TBXAS1: variants seen among roughly 807,000 people sequenced by gnomAD.
TBXAS1 encodes the protein thromboxane A synthase 1, also known as thromboxane-A synthase.
TBXAS1 carries 48 observed loss-of-function variants against 60.7 expected under a neutral mutation model. The observed-to-expected ratio is 0.79, with a 90% CI of 0.63 to 1.01. The LOEUF (loss-of-function observed/expected upper bound fraction) is 1.01, where lower values mean the gene tolerates loss of function less well. TBXAS1 is among the 50% of genes least tolerant of loss of function. TBXAS1 has a pLI of 0.00. For missense variants in TBXAS1, 685 were observed against 686.3 expected (o/e 1.00, Z 0.02); for synonymous variants, 287 against 269.7 (o/e 1.06, Z -0.63).
intron 9 of TBXAS1, among the ~76,000 whole-genome samples, chr7:140,005,976 G>A (rs539730963): frequency 6.6e-6 from 1 of 152,202 alleles, no homozygotes; most frequent in African/African-American, 2.4e-5. Context: ...TCCCAGGCAG[G>A]GTGGCCAGTG....
At chr7:139,794,928 T>G (rs367981761) in intron 4 of TBXAS1, among the ~76,000 whole-genome samples, 2 of 141,614 alleles carry the variant, frequency 1.4e-5, no homozygotes, top group Non-Finnish European at 3.1e-5. Flanking sequence ...TGGACATTTG[T>G]GTTGGTTCCA....
At chr7:140,007,007 G>T in intron 9 of TBXAS1, 84 bp from the exon 10 acceptor site, 1 of 1,325,978 alleles carries the variant, frequency 7.5e-7, no homozygotes, top group Non-Finnish European at 1.1e-6. Flanking sequence ...AGTTGGAAAC[G>T]AGATTGAAAT....
chr7:139,955,440 G>C lies in TBXAS1; in HGVS notation c.540-19G>C, dbSNP rs1809772650. ...CCTGCCAGAGTCCTTTCAGATCTCT[G>C]TGCTCCCATCTCCCGTAGGTGCTAC... On this transcript the variant is annotated intron_variant, in intron 6 of 12. Coordinates refer to ENST00000448866, the MANE Select transcript of TBXAS1 (RefSeq NM_001061.7). 6.2e-7 allele frequency: 1 copy of C among 1,613,938 alleles called. No homozygotes were observed. The highest frequency in any genetic ancestry group is 1.3e-5 in the African/African-American group (1 of 74,918).
chr7:139,941,432 TG>T (rs1156629946), intron 5 of TBXAS1, among the ~76,000 whole-genome samples: 22 of 74,766 alleles, frequency 2.9e-4, no homozygotes, highest in African/African-American at 1.7e-3. Context: ...AAATTAAAAT[TG>T]TTTTTTTTTT....
chr7:140,012,953 G>A (rs1459682454), intron 10 of TBXAS1, among the ~76,000 whole-genome samples: 1 of 152,124 alleles, frequency 6.6e-6, no homozygotes, highest in South Asian at 2.1e-4. Flanking sequence ...ACACTTATAA[G>A]GTTTGGAGTT....
rs781191549 is a variant in TBXAS1, at chr7:139,961,978, C to T, written c.879C>T (p.Gly293=). The change falls in exon 9 of 13, where the codon GGC becomes GGT. Residue 293 remains glycine (G), a synonymous_variant. Coordinates refer to ENST00000448866, the MANE Select transcript of TBXAS1 (RefSeq NM_001061.7). ...CCCGACATTCTGCAAGTCCCATGGG[C>T]GTGCAAGACTTTGACATCGTCAGAG... The part of the protein sequence containing the change: ...LDARHSASPM[G]VQDFDIVRDV... The T allele has an allele frequency of 2.4e-5, 39 of 1,614,146 alleles. No individual in the cohort carries two copies. The highest frequency in any genetic ancestry group is 3.3e-5 in the South Asian group (3 of 91,092).
At chr7:140,010,708 G>A (rs944646269) in intron 10 of TBXAS1, among the ~76,000 whole-genome samples, 1 of 152,130 alleles carries the variant, frequency 6.6e-6, no homozygotes, top group African/African-American at 2.4e-5. Flanking sequence ...ATCTCAATGG[G>A]TTCTCCACGC....
At chr7:140,011,570 A>C (rs1475785159) in intron 10 of TBXAS1, among the ~76,000 whole-genome samples, 2 of 152,218 alleles carry the variant, frequency 1.3e-5, no homozygotes, top group Non-Finnish European at 2.9e-5. Context: ...AGAGACATAG[A>C]CAACAGGGAA....
intron 9 of TBXAS1, among the ~76,000 whole-genome samples, chr7:139,987,998 A>T (rs749245762): frequency 7.9e-5 from 12 of 152,164 alleles, no homozygotes; most frequent in Non-Finnish European, 1.3e-4. Flanking sequence ...TTCTTTTCTT[A>T]GCTCATTAGA....
chr7:139,990,732 G>A (rs772017994), intron 9 of TBXAS1, among the ~76,000 whole-genome samples: 7 of 140,734 alleles, frequency 5.0e-5, no homozygotes, highest in Non-Finnish European at 9.1e-5. Flanking sequence ...TCATCTGGTT[G>A]CCCAGTCCAT....
chr7:139,991,852 A>C (rs1267119028), intron 9 of TBXAS1, among the ~76,000 whole-genome samples: 2 of 152,232 alleles, frequency 1.3e-5, no homozygotes, highest in Non-Finnish European at 1.5e-5. Flanking sequence ...GAGCACGGGC[A>C]GCTCTCTAGC....
intron 4 of TBXAS1, among the ~76,000 whole-genome samples, chr7:139,809,494 A>G (rs1480689514): frequency 6.6e-6 from 1 of 152,144 alleles, no homozygotes; most frequent in African/African-American, 2.4e-5. Flanking sequence ...GAGGCTGAGA[A>G]GTCCCATGAT....
intron 4 of TBXAS1, among the ~76,000 whole-genome samples, chr7:139,812,055 C>A (rs1798033061): frequency 6.6e-6 from 1 of 152,206 alleles, no homozygotes; most frequent in South Asian, 2.1e-4. Context: ...GGCATCCATG[C>A]CATGGAACAG....
intron 10 of TBXAS1, among the ~76,000 whole-genome samples, chr7:140,009,292 C>T (rs1310662698): frequency 1.3e-5 from 2 of 152,170 alleles, no homozygotes; most frequent in Admixed American, 1.3e-4. Flanking sequence ...CGTCAGAAGA[C>T]CATCTTGGCC....
intron 1 of TBXAS1, among the ~76,000 whole-genome samples, chr7:139,830,173 A>T (rs1180101654): frequency 6.6e-6 from 1 of 152,162 alleles, no homozygotes; most frequent in Non-Finnish European, 1.5e-5. Context: ...AATATGCTAC[A>T]TTTATGCATA....
chr7:139,865,064 TGATACGTGAGTGAGTGTGCATCA>T (rs1301518726), intron 1 of TBXAS1, among the ~76,000 whole-genome samples: 3 of 152,238 alleles, frequency 2.0e-5, no homozygotes, highest in African/African-American at 7.2e-5. Flanking sequence ...TAGTTACTAC[TGATACGTGAGTGAGTGTGCATCA>T]GATGATTTCC....
chr7:139,910,540 G>A (rs754880918), intron 3 of TBXAS1, among the ~76,000 whole-genome samples: 8 of 152,172 alleles, frequency 5.3e-5, no homozygotes, highest in Admixed American at 3.9e-4. Context: ...AGGAGGCTGA[G>A]GCAGAAGAAT....
chr7:139,957,560 C>T lies in TBXAS1; in HGVS notation c.689-74C>T, dbSNP rs1244734279. 1.3e-5 allele frequency: 21 copies of T among 1,607,476 alleles called. No homozygotes were observed. In the Admixed American group the frequency reaches 1.5e-4, roughly 11 times the overall value. On this transcript the variant is annotated intron_variant, in intron 7 of 12. Transcript: ENST00000448866. The stretch of plus-strand genomic sequence containing the variant: ...CGATTCCAGGCCCGCGTTTGCTTCC[C>T]GGGAACAGGCGTCTAATGGCCCTGG...
At chr7:139,903,663 A>G (rs1285688244) in intron 3 of TBXAS1, among the ~76,000 whole-genome samples, 1 of 152,078 alleles carries the variant, frequency 6.6e-6, no homozygotes, top group Non-Finnish European at 1.5e-5. Context: ...GTAAGGTTGT[A>G]TCACATTGCA....
Sources: allele counts gnomAD v4.1 joint callset (sites outside exome capture counted in the v4.1 genomes callset), GRCh38; gene constraint gnomAD v4.1.1; transcripts MANE v1.5; gene names NCBI Gene and HGNC (gene_info 2026-07-23, HGNC 2026-07-21).